The following PRH1 variants were observed in gnomAD, a reference collection of about 807,000 sequenced individuals.
The protein encoded by PRH1 is salivary acidic proline-rich phosphoprotein 1/2.
Under a neutral mutation model 7.9 loss-of-function variants are expected in PRH1, and 7 were observed. The ratio of observed to expected loss-of-function variants is 0.89; its 90% CI spans 0.50 to 1.67. The LOEUF (loss-of-function observed/expected upper bound fraction) is 1.67, where lower values mean the gene tolerates loss of function less well. Among genes scored for constraint, PRH1 ranks in the 40% most tolerant of loss-of-function variants. PRH1 has a pLI of 0.00. For synonymous variants in PRH1, 45 were observed against 80.8 expected (o/e 0.56, Z 2.38); for missense variants, 109 against 223.6 (o/e 0.49, Z 3.27).
At chr12:10,972,928 A>ACCCCCCCCCCCCCCCCCCCC (rs199859766) in intron 2 of PRH1, among the ~76,000 whole-genome samples, 29 of 100,386 alleles carry the variant, frequency 2.9e-4, no homozygotes, top group African/African-American at 3.4e-4. Context: ...AAGCACCACA[A>ACCCCCCCCCCCCCCCCCCCC]CCCACCCCCC....
chr12:10,980,735 GAC>G (rs1565518138), intron 1 of PRH1, among the ~76,000 whole-genome samples: 1 of 152,158 alleles, frequency 6.6e-6, no homozygotes, highest in East Asian at 1.9e-4. Context: ...TCAATTTAGA[GAC>G]AAGAGAGAAC....
chr12:11,046,708 G>C (rs1269961851), intron 1 of PRH1, among the ~76,000 whole-genome samples: 1 of 152,064 alleles, frequency 6.6e-6, no homozygotes, highest in Non-Finnish European at 1.5e-5. Context: ...AAGTATCTGT[G>C]GGAGGCTTGG....
intron 1 of PRH1, among the ~76,000 whole-genome samples, chr12:11,132,557 A>G (rs1946387799): frequency 6.6e-6 from 1 of 152,254 alleles, no homozygotes; most frequent in Non-Finnish European, 1.5e-5. Context: ...GAAGCTGATA[A>G]TAGCAATCAA....
intron 1 of PRH1, chr12:10,986,842 TG>T (rs769999203): frequency 7.8e-6 from 12 of 1,536,414 alleles, no homozygotes; most frequent in Non-Finnish European, 1.0e-5. Context: ...GAAAAAAAAA[TG>T]TATAGAAAAG....
intron 2 of PRH1, chr12:10,938,471 G>T: frequency 1.2e-6 from 2 of 1,614,014 alleles, no homozygotes; most frequent in Non-Finnish European, 1.7e-6. Flanking sequence ...TATGAAAAAA[G>T]ACAGAGAGAA....
intron 1 of PRH1, among the ~76,000 whole-genome samples, chr12:11,086,867 T>C (rs1432262614): frequency 8.9e-6 from 1 of 111,988 alleles, no homozygotes; most frequent in African/African-American, 3.0e-5. Flanking sequence ...TTAGTTGAGA[T>C]CATGCCACTC....
chr12:11,044,185 A>T (rs1399692488), intron 1 of PRH1, among the ~76,000 whole-genome samples: 1 of 152,196 alleles, frequency 6.6e-6, no homozygotes, highest in Non-Finnish European at 1.5e-5. Context: ...AAGAACGTAC[A>T]CTGGAAAAAG....
At chr12:10,916,090 A>G (rs1949968182) in intron 2 of PRH1, among the ~76,000 whole-genome samples, 1 of 152,204 alleles carries the variant, frequency 6.6e-6, no homozygotes, top group African/African-American at 2.4e-5. Context: ...ATCATGGTGG[A>G]AGACAAAGAA....
At chr12:11,147,606 T>C (rs1565703313) in intron 1 of PRH1, among the ~76,000 whole-genome samples, 1 of 152,222 alleles carries the variant, frequency 6.6e-6, no homozygotes, top group Non-Finnish European at 1.5e-5. Context: ...TAGTACCTGT[T>C]GATTCTTTAG....
At chr12:11,030,246 T>A (rs1565570832) in intron 1 of PRH1, 8 of 1,200,522 alleles carry the variant, frequency 6.7e-6, no homozygotes, top group South Asian at 5.8e-5. Flanking sequence ...TATATATATT[T>A]TTTTTTCTAG....
intron 1 of PRH1, among the ~76,000 whole-genome samples, chr12:11,025,104 C>T (rs1218661600): frequency 4.6e-5 from 7 of 151,614 alleles, no homozygotes; most frequent in South Asian, 2.1e-4. Context: ...CTGAAAGCTC[C>T]GCCTTCCGGG....
chr12:11,142,678 A>G (rs1449736689), intron 1 of PRH1, among the ~76,000 whole-genome samples: 2 of 152,192 alleles, frequency 1.3e-5, no homozygotes, highest in Non-Finnish European at 2.9e-5. Flanking sequence ...CCCTAAGGTC[A>G]AGGATAAAGA....
Position 11,088,864 on chromosome 12 carries a change from G to A in PRH1, n.124-41676C>T, listed in dbSNP as rs1200487643. Among the ~76,000 whole-genome samples the A allele has an allele frequency of 1.7e-5, 2 of 115,770 alleles. 1 individual carries two copies. Among genetic ancestry groups the A allele is most frequent in the African/African-American group, 5.8e-5 (2 of 34,540 alleles). 75.9% of individuals were successfully genotyped at this position (115,770 alleles called of 152,430 possible). On this transcript the variant is annotated intron_variant and non_coding_transcript_variant, in intron 1 of 4. Coordinates refer to the PRH1 transcript ENST00000541977. Reference sequence around the variant, plus strand: ...TGTGCATGTCTCTGACAAGCCTGTAGGAGACAGGAGAGCAAATCCCTATGG... The same window carrying A: ...TGTGCATGTCTCTGACAAGCCTGTAAGAGACAGGAGAGCAAATCCCTATGG...
rs372892053 is a variant in PRH1, at chr12:11,029,590, G to A, written c.-126+17430C>T. On this transcript the variant is annotated intron_variant, in intron 1 of 3. Transcript: ENST00000539853. ...GCATGAGATCTCAACTTCAAAAACA[G>A]CTTTTCTTTAATTCAAAAGCGGAAG... 9.5e-4 allele frequency among the ~76,000 whole-genome samples: 144 copies of A among 152,370 alleles called. 1 individual carries two copies. The highest frequency in any genetic ancestry group is 3.3e-3 in the African/African-American group (137 of 41,588).
chr12:11,065,146 C>T (rs867568664), intron 1 of PRH1, among the ~76,000 whole-genome samples: 5 of 152,080 alleles, frequency 3.3e-5, no homozygotes. Flanking sequence ...GCACTGAAGG[C>T]ATGATTCCAT....
At chr12:10,973,284 T>A (rs1037356641) in intron 2 of PRH1, 6 of 164,350 alleles carry the variant, frequency 3.7e-5, no homozygotes, top group African/African-American at 1.4e-4. Flanking sequence ...TTTTAATTTA[T>A]TTTTGATTAC....
intron 1 of PRH1, among the ~76,000 whole-genome samples, chr12:11,007,749 C>T (rs1940893551): frequency 6.6e-6 from 1 of 151,982 alleles, no homozygotes; most frequent in Non-Finnish European, 1.5e-5. Context: ...AAGCACATCC[C>T]CACACTAGTA....
rs531329643 is a variant in PRH1 at position 11,099,612 on chromosome 12, G to A, written n.124-52424C>T. Among the ~76,000 whole-genome samples, 14 of 152,210 alleles carry A rather than the reference G, an allele frequency of 9.2e-5. 1 individual carries two copies. In the South Asian group the frequency reaches 2.5e-3, roughly 27 times the overall value. The stretch of plus-strand genomic sequence containing the variant: ...CTCAGAAGGGTGAGGCAGGAGAATC[G>A]CTTGAACCCTGGAGGTGGAGGTTGC... On this transcript the variant is annotated intron_variant and non_coding_transcript_variant, in intron 1 of 4. Coordinates refer to the PRH1 transcript ENST00000541977.
chr12:11,025,021 AT>A (rs34435271), intron 1 of PRH1, among the ~76,000 whole-genome samples: 211 of 139,360 alleles, frequency 1.5e-3, no homozygotes, highest in Admixed American at 3.2e-3. Context: ...ATTGTCATTA[AT>A]TTTTTTTTTT....
Sources: gnomAD v4.1 joint callset for allele counts (sites outside exome capture counted in the v4.1 genomes callset) on GRCh38, gnomAD v4.1.1 for gene constraint, MANE v1.5 for transcripts, NCBI Gene and HGNC (gene_info 2026-07-23, HGNC 2026-07-21) for gene names.